The following DCST1 variants were observed in gnomAD, a reference collection of about 807,000 sequenced individuals.
The protein encoded by DCST1 is E3 ubiquitin-protein ligase DCST1.
DCST1 carries 78 observed loss-of-function variants against 89.1 expected under a neutral mutation model. The ratio of observed to expected loss-of-function variants is 0.88; its 90% confidence interval spans 0.73 to 1.06. DCST1 has a LOEUF of 1.06. DCST1 is among the 50% of genes least tolerant of loss of function. DCST1 has a pLI of 0.00. For synonymous variants in DCST1, 364 were observed against 371.9 expected (o/e 0.98, Z 0.24); for missense variants, 900 against 928.6 (o/e 0.97, Z 0.40).
intron 4 of DCST1, among the ~76,000 whole-genome samples, chr1:155,036,271 A>C (rs1660276713): frequency 1.3e-5 from 2 of 152,170 alleles, no homozygotes; most frequent in Admixed American, 6.5e-5. Context: ...TACCAACAGG[A>C]GACTACTTTT....
At chr1:155,035,677 C>T (rs1330286807) in intron 4 of DCST1, among the ~76,000 whole-genome samples, 5 of 152,160 alleles carry the variant, frequency 3.3e-5, no homozygotes, top group Admixed American at 3.3e-4. Flanking sequence ...CGCCTGTAAT[C>T]CCAGCACTTT....
At chr1:155,048,486 G>C (rs1249070968) in intron 16 of DCST1, among the ~76,000 whole-genome samples, 2 of 152,146 alleles carry the variant, frequency 1.3e-5, no homozygotes, top group Admixed American at 1.3e-4. Flanking sequence ...TTTTAGTAGA[G>C]ACAGGGTTTC....
At chr1:155,044,389 G>A (rs1286183621) in intron 10 of DCST1, among the ~76,000 whole-genome samples, 2 of 149,592 alleles carry the variant, frequency 1.3e-5, no homozygotes, top group Non-Finnish European at 1.5e-5. Context: ...GGCTGAGGCA[G>A]GAGAATCACT....
chr1:155,050,677 CGGCGCTGCGTGGTGTGCCA>C lies in DCST1; in HGVS notation c.1934_1952del (p.Arg645HisfsTer71), dbSNP rs1486493488. 1.2e-6 allele frequency: 2 copies of C among 1,602,310 alleles called. No individual in the cohort carries two copies. Among genetic ancestry groups the C allele is most frequent in the Admixed American group, 1.7e-5 (1 of 59,244 alleles). ...CCCGCTCCTGCGCCGCTGGCTGTGCCGGCGCTGCGTGGTGTGCCAGGCACCCGAGACGCCCGAGTCCTAC... is the reference window on the plus strand; with the variant it reads ...CCCGCTCCTGCGCCGCTGGCTGTGCCGGCACCCGAGACGCCCGAGTCCTAC... On this transcript the variant is annotated frameshift_variant, in exon 17 of 17. Coordinates refer to ENST00000295542, the MANE Select transcript of DCST1 (RefSeq NM_152494.4). LOFTEE classifies it high-confidence loss of function.
chr1:155,044,247 C>T (rs1443055113), intron 10 of DCST1, among the ~76,000 whole-genome samples: 4 of 152,104 alleles, frequency 2.6e-5, no homozygotes, highest in African/African-American at 9.7e-5. Flanking sequence ...TTTGGGAAGC[C>T]GAGGTGGGAG....
Position 155,048,246 on chromosome 1 carries a change from G to A in DCST1, c.1869+76G>A, listed in dbSNP as rs145112039. 6,188 of 1,205,088 alleles carry A rather than the reference G, an allele frequency of 5.1e-3. 24 individuals are homozygous for A. Among genetic ancestry groups the A allele is most frequent in the Middle Eastern group, 7.0e-3 (37 of 5,300 alleles). 74.6% of individuals were successfully genotyped at this position (1,205,088 alleles called of 1,614,324 possible). On this transcript the variant is annotated intron_variant, in intron 16 of 16. Coordinates refer to ENST00000295542, the MANE Select transcript of DCST1 (RefSeq NM_152494.4). ...AGCAGGCAAGGGGCAGCTCCCTTCA[G>A]TCCACCCAGCACCCACCAATGGTCG...
chr1:155,034,817 C>T (rs4845404), intron 4 of DCST1, 90 bp downstream of exon 4: 569,916 of 1,426,530 alleles, frequency 0.4, 123,309 homozygotes, highest in East Asian at 0.89. Flanking sequence ...GGACTTGTTT[C>T]TTCTGTACCC....
At chr1:155,045,304 A>G (rs1660581445) in intron 10 of DCST1, 1 of 153,886 alleles carries the variant, frequency 6.5e-6, no homozygotes, top group Non-Finnish European at 1.4e-5. Context: ...TGGGAAATAC[A>G]TGGGGGATAG....
intron 10 of DCST1, among the ~76,000 whole-genome samples, chr1:155,043,839 G>T (rs1036653970): frequency 6.6e-6 from 1 of 151,202 alleles, no homozygotes; most frequent in African/African-American, 2.4e-5. Flanking sequence ...CTCTGACTTT[G>T]TGCCATTTTT....
chr1:155,033,928 C>G, intron 1 of DCST1, 44 bp from the exon 2 acceptor site: 1 of 1,455,674 alleles, frequency 6.9e-7, no homozygotes, highest in Admixed American at 1.8e-5. Flanking sequence ...CCTAGGCTTC[C>G]CATGAAGCGG....
chr1:155,033,885 G>A (rs749549243), intron 1 of DCST1, 31 bp downstream of exon 1: 69 of 1,272,540 alleles, frequency 5.4e-5, no homozygotes, highest in Middle Eastern at 2.0e-4. Flanking sequence ...CCCACTTCTC[G>A]GAGCAGAAGG....
chr1:155,043,528 C>A lies in DCST1; in HGVS notation c.1172+19C>A. On this transcript the variant is annotated intron_variant, in intron 10 of 16. Coordinates refer to ENST00000295542, the MANE Select transcript of DCST1 (RefSeq NM_152494.4). ...TGCATGCGTGAGCCATAGTCCCCACCCCAGCAGCCCCTCCTCTGCCCCGGA... is the reference window on the plus strand; with the variant it reads ...TGCATGCGTGAGCCATAGTCCCCACACCAGCAGCCCCTCCTCTGCCCCGGA... The A allele has an allele frequency of 6.4e-7, 1 of 1,555,256 alleles. No individual in the cohort carries two copies. The highest frequency in any genetic ancestry group is 8.7e-7 in the Non-Finnish European group (1 of 1,149,130).
In DCST1 at chr1:155,050,694, C is replaced by T. The variant is rs1359644772; in HGVS notation, c.1947C>T (p.Cys649=). The change falls in exon 17 of 17, where the codon TGC becomes TGT. Residue 649 remains cysteine (C), a synonymous_variant. Transcript: ENST00000295542. ...RRWLCRRCVV[C]QAPETPESYV... ...GGCTGTGCCGGCGCTGCGTGGTGTGCCAGGCACCCGAGACGCCCGAGTCCT... is the reference window on the plus strand; with the variant it reads ...GGCTGTGCCGGCGCTGCGTGGTGTGTCAGGCACCCGAGACGCCCGAGTCCT... 3 of 1,605,210 alleles carry T rather than the reference C, an allele frequency of 1.9e-6. No homozygotes were observed. The highest frequency in any genetic ancestry group is 2.2e-5 in the South Asian group (2 of 90,010).
chr1:155,034,304 G>C, intron 2 of DCST1, 131 bp from the exon 3 acceptor site: 1 of 1,598,742 alleles, frequency 6.3e-7, no homozygotes, highest in Non-Finnish European at 8.5e-7. Flanking sequence ...TCCTCCTCCA[G>C]GGTCCCCTAA....
At chr1:155,034,396 A>G (rs766227221) in intron 2 of DCST1, 39 bp from the exon 3 acceptor site, 5 of 1,613,612 alleles carry the variant, frequency 3.1e-6, no homozygotes, top group Non-Finnish European at 4.2e-6. Context: ...CATCCCAGGC[A>G]GAAGAGTGGG....
chr1:155,035,140 G>A lies in DCST1; in HGVS notation c.262+413G>A, dbSNP rs1243164319. ...AAACAAGGATGACAAGCATCCAGCC[G>A]TTTTGCTTTGGTTTTGTTTGTATGT... On this transcript the variant is annotated intron_variant, in intron 4 of 16. Coordinates refer to ENST00000295542, the MANE Select transcript of DCST1 (RefSeq NM_152494.4). 8 of 198,838 alleles carry A rather than the reference G, an allele frequency of 4.0e-5. No individual in the cohort carries two copies. The South Asian group carries it at 4.8e-4, about 12-fold the overall frequency. The allele number at this position is 198,838 out of a possible 1,614,324, so 12.3% of individuals were successfully genotyped here. A position where few individuals can be genotyped will look rare whatever the true frequency, so the allele number is the denominator to read the frequency against.
intron 6 of DCST1, 60 bp downstream of exon 6, chr1:155,040,684 G>A: frequency 6.7e-7 from 1 of 1,494,234 alleles, no homozygotes; most frequent in Non-Finnish European, 9.0e-7. Flanking sequence ...AAGTTAACTT[G>A]AGCTGGGAGT....
In DCST1 at chr1:155,045,867, A is replaced by G. The variant is rs1291786739; in HGVS notation, c.1173-26A>G. Reference sequence around the variant, plus strand: ...GATGAGGAGAACCTGGAAGAGATGGAGACATCCCTGCCCATCCACCCACAG... The same window carrying G: ...GATGAGGAGAACCTGGAAGAGATGGGGACATCCCTGCCCATCCACCCACAG... On this transcript the variant is annotated intron_variant, in intron 10 of 16. Coordinates refer to ENST00000295542, the MANE Select transcript of DCST1 (RefSeq NM_152494.4). 1.9e-6 allele frequency: 3 copies of G among 1,588,518 alleles called. No homozygotes were observed. The East Asian group carries it at 6.7e-5, about 36-fold the overall frequency.
intron 5 of DCST1, 142 bp downstream of exon 5, chr1:155,039,673 C>A: frequency 8.8e-7 from 1 of 1,134,600 alleles, no homozygotes; most frequent in Non-Finnish European, 1.2e-6. Context: ...GAGGGAGCTC[C>A]TCCCCATATC....
Sources: allele counts gnomAD v4.1 joint callset (sites outside exome capture counted in the v4.1 genomes callset), GRCh38; gene constraint gnomAD v4.1.1; transcripts MANE v1.5; gene names NCBI Gene and HGNC (gene_info 2026-07-23, HGNC 2026-07-21).